C9: variants seen among roughly 807,000 people sequenced by gnomAD.
C9 encodes the protein complement C9.
C9 carries 63 observed loss-of-function variants against 65.4 expected under a neutral mutation model. The observed-to-expected ratio is 0.96, with a 90% confidence interval of 0.79 to 1.19. C9 has a LOEUF of 1.19. Ranked by LOEUF, C9 falls within the 50% of genes most tolerant of loss-of-function variation. The pLI is 0.00. For missense variants in C9, 744 were observed against 670.1 expected (o/e 1.11, Z -1.22); for synonymous variants, 229 against 227.9 (o/e 1.00, Z -0.04).
At chr5:39,345,224 T>C (rs573576962) in intron 1 of C9, among the ~76,000 whole-genome samples, 154 of 152,214 alleles carry the variant, frequency 1.0e-3, no homozygotes, top group African/African-American at 3.4e-3. Flanking sequence ...AGACACAGAC[T>C]GGCAAATTGG....
rs1235768408 is a variant in C9, at chr5:39,342,074, G to A, written c.183+17C>T. 7 of 1,359,860 alleles carry A rather than the reference G, an allele frequency of 5.1e-6. No homozygotes were observed. The highest frequency in any genetic ancestry group is 6.3e-6 in the Non-Finnish European group (6 of 947,738). 84.2% of individuals were successfully genotyped at this position (1,359,860 alleles called of 1,614,324 possible). A position where few individuals can be genotyped will look rare whatever the true frequency, so the allele number is the denominator to read the frequency against. On this transcript the variant is annotated intron_variant, in intron 2 of 10. Transcript: ENST00000263408. ...TCCATTTGGGGAGGTCAGTGGGGAAGGGAGATGAACACTTACCATTTGTCT... is the reference window on the plus strand; with the variant it reads ...TCCATTTGGGGAGGTCAGTGGGGAAAGGAGATGAACACTTACCATTTGTCT...
chr5:39,301,621 C>T (rs867295370), intron 9 of C9, among the ~76,000 whole-genome samples: 1 of 152,024 alleles, frequency 6.6e-6, no homozygotes, highest in Middle Eastern at 3.2e-3. Flanking sequence ...ACTACTTCTG[C>T]AATATTACTA....
chr5:39,305,550 A>T (rs576119416), intron 9 of C9, among the ~76,000 whole-genome samples: 12 of 152,198 alleles, frequency 7.9e-5, no homozygotes, highest in Non-Finnish European at 1.8e-4. Flanking sequence ...ACATACGGCG[A>T]AAATTGAAAG....
At chr5:39,306,094 C>T (rs1332757989) in intron 9 of C9, among the ~76,000 whole-genome samples, 2 of 142,416 alleles carry the variant, frequency 1.4e-5, no homozygotes, top group East Asian at 2.1e-4. Context: ...ACTCGGAAGG[C>T]GGAGGTTGCA....
chr5:39,363,413 G>A (rs976859775), intron 1 of C9, among the ~76,000 whole-genome samples: 3 of 152,204 alleles, frequency 2.0e-5, no homozygotes, highest in Non-Finnish European at 2.9e-5. Flanking sequence ...CAAGAGGCAG[G>A]CAAATATGTA....
chr5:39,339,889 G>A (rs961297868), intron 4 of C9, among the ~76,000 whole-genome samples: 1 of 151,904 alleles, frequency 6.6e-6, no homozygotes, highest in African/African-American at 2.4e-5. Context: ...TCGATCTCCT[G>A]ACTTCGTGAT....
intron 3 of C9, 85 bp downstream of exon 3, chr5:39,341,471 G>A (rs1290260946): frequency 1.0e-5 from 16 of 1,525,548 alleles, no homozygotes; most frequent in Non-Finnish European, 1.3e-5. Flanking sequence ...AAATCCAAGT[G>A]TCCAGAAGCA....
At chr5:39,303,029 G>A (rs73749495) in intron 9 of C9, among the ~76,000 whole-genome samples, 14 of 152,238 alleles carry the variant, frequency 9.2e-5, no homozygotes, top group African/African-American at 3.4e-4. Context: ...AAACTTTACA[G>A]GAAGCCAATA....
chr5:39,314,074 C>T (rs570762901), intron 6 of C9, among the ~76,000 whole-genome samples: 2 of 152,112 alleles, frequency 1.3e-5, no homozygotes, highest in South Asian at 2.1e-4. Flanking sequence ...TGCTTTGGCT[C>T]TTAGCACCTA....
intron 9 of C9, among the ~76,000 whole-genome samples, chr5:39,291,310 G>A (rs1171165433): frequency 6.6e-6 from 1 of 151,836 alleles, no homozygotes; most frequent in Non-Finnish European, 1.5e-5. Context: ...TAGTTAAATA[G>A]CAAATGTGAT....
rs146460773 is a variant in C9 at position 39,286,896 on chromosome 5, T to C, written c.1646-1663A>G. Among the ~76,000 whole-genome samples the C allele has an allele frequency of 5.4e-3, 815 of 152,114 alleles. 6 individuals carry two copies. The highest frequency in any genetic ancestry group is 8.3e-3 in the Non-Finnish European group (561 of 67,920). On this transcript the variant is annotated intron_variant, in intron 10 of 10. Transcript: ENST00000263408. ...TGAGAAGTGTAAAAAATTCATAAAA[T>C]ATTAAAAATTTATATTGTAAGAGAT...
rs117781014 is a variant in C9 at position 39,339,969 on chromosome 5, G to A, written c.476+1177C>T. ...CCGCCGCAGATATCGTCAAATGTCT[G>A]CTGGGGGAAAAATTACCACTGATTG... On this transcript the variant is annotated intron_variant, in intron 4 of 10. Transcript: ENST00000263408. Among the ~76,000 whole-genome samples the A allele has an allele frequency of 0.01, 1,549 of 152,158 alleles. 104 individuals carry two copies. In the East Asian group the frequency reaches 0.15, roughly 15 times the overall value.
intron 9 of C9, among the ~76,000 whole-genome samples, chr5:39,306,235 C>T (rs889899404): frequency 2.0e-5 from 3 of 151,124 alleles, no homozygotes; most frequent in Non-Finnish European, 2.9e-5. Context: ...TGGAACACCA[C>T]GGGAAGGCAA....
intron 3 of C9, 77 bp downstream of exon 3, chr5:39,341,479 G>T: frequency 6.5e-7 from 1 of 1,536,418 alleles, no homozygotes; most frequent in Non-Finnish European, 9.0e-7. Flanking sequence ...GTGTCCAGAA[G>T]CATATGCTTT....
chr5:39,353,796 C>G (rs1442439673), intron 1 of C9, among the ~76,000 whole-genome samples: 1 of 152,156 alleles, frequency 6.6e-6, no homozygotes, highest in African/African-American at 2.4e-5. Context: ...AGCTTGGGGA[C>G]TTTCCTGTTT....
At chr5:39,299,977 T>C (rs1010772773) in intron 9 of C9, among the ~76,000 whole-genome samples, 1 of 152,180 alleles carries the variant, frequency 6.6e-6, no homozygotes, top group African/African-American at 2.4e-5. Context: ...ATTAACATTA[T>C]GATATCTATT....
intron 10 of C9, 43 bp downstream of exon 10, chr5:39,288,680 T>G (rs758544459): frequency 1.4e-5 from 14 of 1,011,178 alleles, no homozygotes; most frequent in Non-Finnish European, 1.6e-6. Context: ...AACCCCAAAG[T>G]GCATATTTTT....
At position 39,339,972 on chromosome 5, in the gene C9, G is replaced by C. The variant is rs149459657; in HGVS notation, c.476+1174C>G. Among the ~76,000 whole-genome samples the C allele has an allele frequency of 8.9e-4, 135 of 152,088 alleles. 1 individual carries two copies. In the East Asian group the frequency reaches 0.024, roughly 27 times the overall value. ...CCGCAGATATCGTCAAATGTCTGCT[G>C]GGGGAAAAATTACCACTGATTGAGA... On this transcript the variant is annotated intron_variant, in intron 4 of 10. Transcript: ENST00000263408.
rs146097342 is a variant in C9 at position 39,344,494 on chromosome 5, C to T, written c.78-2298G>A. The stretch of plus-strand genomic sequence containing the variant: ...AGACAAAAGGATAAAAAGAAATGAA[C>T]AAAGCCTCCAAGAAATATGGGACTA... On this transcript the variant is annotated intron_variant, in intron 1 of 10. Transcript: ENST00000263408. Among the ~76,000 whole-genome samples the T allele has an allele frequency of 0.012, 1,832 of 152,274 alleles. 166 individuals are homozygous for T. The East Asian group carries it at 0.26, about 21-fold the overall frequency.
Sources: allele counts gnomAD v4.1 joint callset (sites outside exome capture counted in the v4.1 genomes callset), GRCh38; gene constraint gnomAD v4.1.1; transcripts MANE v1.5; gene names NCBI Gene and HGNC (gene_info 2026-07-23, HGNC 2026-07-21).